Variants in TEX9 observed in about 807,000 individuals in gnomAD.
TEX9 encodes the protein testis expressed 9, also known as testis-expressed protein 9.
In TEX9, 74 loss-of-function variants were observed where a neutral mutation model predicts 59.6. The ratio of observed to expected loss-of-function variants is 1.24; its 90% confidence interval spans 1.03 to 1.51. The LOEUF (loss-of-function observed/expected upper bound fraction) is 1.51, where lower values mean the gene tolerates loss of function less well. Ranked by LOEUF, TEX9 falls within the 40% of genes most tolerant of loss-of-function variation. The probability of loss-of-function intolerance (pLI) is 0.00; values close to 1 mark genes in which losing one functional copy is unlikely to be tolerated. For synonymous variants in TEX9, 186 were observed against 152.2 expected, an observed-to-expected ratio of 1.22 and a Z score of -1.64; for missense variants, 522 against 447.8, an observed-to-expected ratio of 1.17 and a Z score of -1.49.
chr15:56,280,278 C>T (rs866581737), intron 1 of TEX9, among the ~76,000 whole-genome samples: 19 of 152,192 alleles, frequency 1.2e-4, no homozygotes, highest in Admixed American at 4.6e-4. Context: ...CACCCCCAGC[C>T]ATGATCGCTG....
At position 56,346,068 on chromosome 15, in the gene TEX9, A is replaced by G. The variant is rs576564278; in HGVS notation, c.-106-27373A>G. Among the ~76,000 whole-genome samples, 3 of 152,324 alleles carry G rather than the reference A, an allele frequency of 2.0e-5. No homozygotes were observed. The East Asian group carries it at 5.8e-4, about 29-fold the overall frequency. The stretch of plus-strand genomic sequence containing the variant: ...ATACAAATTTGGGAGTACTTAATAT[A>G]AACATTGCCTGCTTGCTTCTCATAG... On this transcript the variant is annotated intron_variant, in intron 1 of 5. Transcript: ENST00000560827.
At chr15:56,260,779 C>T (rs1208174566) in intron 1 of TEX9, among the ~76,000 whole-genome samples, 1 of 151,828 alleles carries the variant, frequency 6.6e-6, no homozygotes, top group African/African-American at 2.4e-5. Context: ...TAGGAGGAAG[C>T]GTTTTTTCTT....
At chr15:56,266,016 T>C (rs1286496164) in intron 1 of TEX9, among the ~76,000 whole-genome samples, 1 of 152,160 alleles carries the variant, frequency 6.6e-6, no homozygotes, top group Non-Finnish European at 1.5e-5. Flanking sequence ...TCTAATACCT[T>C]TTATTCTGTC....
intron 8 of TEX9, 110 bp from the exon 9 acceptor site, chr15:56,394,551 A>T (rs1387414635): frequency 2.4e-6 from 2 of 843,520 alleles, no homozygotes; most frequent in Non-Finnish European, 3.6e-6. Context: ...TTTGTTTTTC[A>T]TGAAACGTGT....
At chr15:56,384,619 T>G (rs2047881821) in intron 4 of TEX9, among the ~76,000 whole-genome samples, 1 of 152,200 alleles carries the variant, frequency 6.6e-6, no homozygotes, top group South Asian at 2.1e-4. Context: ...ATGTTGAAAT[T>G]GGTATTGGGA....
chr15:56,390,794 A>C (rs1189568010), intron 6 of TEX9, among the ~76,000 whole-genome samples: 1 of 152,064 alleles, frequency 6.6e-6, no homozygotes, highest in Non-Finnish European at 1.5e-5. Context: ...TTGTAGAATT[A>C]TGGCCAGGAT....
chr15:56,434,432 T>C, intron 12 of TEX9: 2 of 1,566,516 alleles, frequency 1.3e-6, no homozygotes, highest in Non-Finnish European at 1.7e-6. Context: ...TAGTAACTAT[T>C]TCCTTACACC....
chr15:56,397,799 A>T (rs1217814569), intron 9 of TEX9: 2 of 152,224 alleles, frequency 1.3e-5, no homozygotes, highest in African/African-American at 4.8e-5. Context: ...GATGGTTTTA[A>T]AAATGGGAAT....
intron 9 of TEX9, among the ~76,000 whole-genome samples, chr15:56,398,597 C>G (rs1375795635): frequency 6.6e-6 from 1 of 152,208 alleles, no homozygotes; most frequent in African/African-American, 2.4e-5. Flanking sequence ...TCTTGGCCAT[C>G]ATGTCCAATC....
intron 9 of TEX9, among the ~76,000 whole-genome samples, chr15:56,399,057 T>C (rs536425298): frequency 2.0e-4 from 31 of 152,174 alleles, no homozygotes; most frequent in African/African-American, 7.5e-4. Context: ...AGAAGACAGG[T>C]GATTTCTGCA....
chr15:56,336,083 C>G (rs1360208448), intron 1 of TEX9, among the ~76,000 whole-genome samples: 4 of 152,160 alleles, frequency 2.6e-5, no homozygotes, highest in African/African-American at 9.7e-5. Context: ...GCAGTTGCAT[C>G]GCTGAAATAC....
chr15:56,403,516 T>C (rs1250091691), intron 9 of TEX9, among the ~76,000 whole-genome samples: 1 of 152,252 alleles, frequency 6.6e-6, no homozygotes. Context: ...TCTGTACTCA[T>C]GGATAGGAAG....
downstream of TEX9, chr15:56,447,802 T>A (rs1426555053): frequency 3.3e-5 from 5 of 152,128 alleles, no homozygotes; most frequent in Non-Finnish European, 5.9e-5. Context: ...GTGGTACCTC[T>A]CTTCTACCCC....
intron 1 of TEX9, among the ~76,000 whole-genome samples, chr15:56,359,576 A>T (rs1286255701): frequency 6.6e-6 from 1 of 152,144 alleles, no homozygotes; most frequent in Non-Finnish European, 1.5e-5. Context: ...TGTATTGTCC[A>T]TTCTATGTAT....
chr15:56,428,298 C>G lies in TEX9; in HGVS notation c.1099-69C>G, dbSNP rs539613293. 687 of 1,150,532 alleles carry G rather than the reference C, an allele frequency of 6.0e-4. No individual in the cohort carries two copies. Among genetic ancestry groups the G allele is most frequent in the Admixed American group, 9.1e-4 (52 of 56,964 alleles). The allele number at this position is 1,150,532 out of a possible 1,614,324, so 71.3% of individuals were successfully genotyped here. ...ACAATATATTATCCACACATTTTTA[C>G]AAACTTCCTGTTGTTTGGTGGCCTA... On this transcript the variant is annotated intron_variant, in intron 11 of 12. Transcript: ENST00000352903.
intron 1 of TEX9, among the ~76,000 whole-genome samples, chr15:56,309,584 C>T (rs1596078796): frequency 6.7e-6 from 1 of 148,936 alleles, no homozygotes; most frequent in Non-Finnish European, 1.5e-5. Context: ...CAAGTATTCT[C>T]TCCTTTTCTA....
intron 10 of TEX9, among the ~76,000 whole-genome samples, chr15:56,426,948 T>C (rs2050312241): frequency 6.6e-6 from 1 of 151,970 alleles, no homozygotes; most frequent in South Asian, 2.1e-4. Flanking sequence ...CACAGCCATT[T>C]CCTTTCACAG....
At chr15:56,422,757 C>T (rs1367501776) in intron 10 of TEX9, among the ~76,000 whole-genome samples, 1 of 151,992 alleles carries the variant, frequency 6.6e-6, no homozygotes, top group Non-Finnish European at 1.5e-5. Flanking sequence ...TCCATGAACT[C>T]TTTTCATCTT....
chr15:56,381,402 G>C (rs1414413313), intron 3 of TEX9, among the ~76,000 whole-genome samples: 3 of 152,042 alleles, frequency 2.0e-5, no homozygotes, highest in Admixed American at 2.0e-4. Context: ...TTGGTCTCTG[G>C]TGTCTTATTT....
Sources: allele counts gnomAD v4.1 joint callset (sites outside exome capture counted in the v4.1 genomes callset), GRCh38; gene constraint gnomAD v4.1.1; transcripts MANE v1.5; gene names NCBI Gene and HGNC (gene_info 2026-07-23, HGNC 2026-07-21).